Variants in ADAM22 observed in about 807,000 individuals in gnomAD.
ADAM22 encodes disintegrin and metalloproteinase domain-containing protein 22.
A neutral mutation model predicts 144.6 loss-of-function variants in ADAM22; 65 were observed. The ratio of observed to expected loss-of-function variants is 0.45; its 90% CI spans 0.37 to 0.55. The LOEUF is 0.55. ADAM22 is among the 20% of genes least tolerant of loss of function. The pLI is 0.00. For synonymous variants in ADAM22, 391 were observed against 412.6 expected (o/e 0.95, Z 0.63); for missense variants, 974 against 1,184.9 (o/e 0.82, Z 2.61).
At chr7:88,163,249 T>C in intron 23 of ADAM22, 69 bp downstream of exon 23, 1 of 1,282,522 alleles carries the variant, frequency 7.8e-7, no homozygotes, top group Non-Finnish European at 1.0e-6. Flanking sequence ...CCCTAAACTA[T>C]TTATTTTTCT....
At chr7:88,028,280 G>A (rs1799476339) in intron 3 of ADAM22, among the ~76,000 whole-genome samples, 1 of 152,086 alleles carries the variant, frequency 6.6e-6, no homozygotes, top group South Asian at 2.1e-4. Context: ...CCATGTGTTT[G>A]TATAGTTTCC....
In ADAM22 at chr7:88,184,948, T is replaced by C. The variant is rs957825278; in HGVS notation, c.2664-1667T>C. Among the ~76,000 whole-genome samples the C allele has an allele frequency of 2.6e-5, 4 of 152,318 alleles. No homozygotes were observed. In the South Asian group the frequency reaches 8.3e-4, roughly 32 times the overall value. On this transcript the variant is annotated intron_variant, in intron 29 of 31. Coordinates refer to ENST00000413139, the MANE Select transcript of ADAM22 (RefSeq NM_001324418.2). ...ATTGTCAGTGAAAGGAACAAATGTC[T>C]CCTCCCGGAAGTGGCCGTCTGCCTG...
At chr7:88,064,761 C>CA (rs1275342204) in intron 3 of ADAM22, among the ~76,000 whole-genome samples, 1 of 152,142 alleles carries the variant, frequency 6.6e-6, no homozygotes, top group Non-Finnish European at 1.5e-5. Context: ...AATAACCTCC[C>CA]AAAGGCCTCA....
At chr7:87,946,334 C>G (rs1843672400) in intron 2 of ADAM22, among the ~76,000 whole-genome samples, 1 of 152,124 alleles carries the variant, frequency 6.6e-6, no homozygotes, top group African/African-American at 2.4e-5. Flanking sequence ...TATCTGTTTA[C>G]TCTGTTGATA....
intron 4 of ADAM22, among the ~76,000 whole-genome samples, chr7:88,107,862 A>G (rs1824856680): frequency 6.6e-6 from 1 of 152,044 alleles, no homozygotes. Context: ...AAGCATTGAA[A>G]TTGTAGACAT....
intron 3 of ADAM22, among the ~76,000 whole-genome samples, chr7:87,995,006 A>G (rs988065064): frequency 1.1e-4 from 17 of 151,662 alleles, no homozygotes; most frequent in African/African-American, 4.1e-4. Flanking sequence ...TTTTTTTTGT[A>G]TTTTTAGTAG....
chr7:87,973,251 A>T (rs1329301917), intron 2 of ADAM22, among the ~76,000 whole-genome samples: 2 of 152,214 alleles, frequency 1.3e-5, no homozygotes. Flanking sequence ...ACAAGAAAAA[A>T]ACAAACCCAT....
intron 2 of ADAM22, among the ~76,000 whole-genome samples, chr7:87,949,798 A>G (rs1844599850): frequency 6.6e-6 from 1 of 150,654 alleles, no homozygotes; most frequent in Admixed American, 6.6e-5. Flanking sequence ...AATCTAAAAT[A>G]TTCATATTAT....
At chr7:88,065,462 G>A (rs1810992842) in intron 3 of ADAM22, among the ~76,000 whole-genome samples, 1 of 151,934 alleles carries the variant, frequency 6.6e-6, no homozygotes, top group Non-Finnish European at 1.5e-5. Context: ...TATAATACAT[G>A]TTTATTATAG....
rs542740989 is a variant in ADAM22 at position 87,944,111 on chromosome 7, C to G, written c.246+8925C>G. Among the ~76,000 whole-genome samples, 14 of 151,888 alleles carry G rather than the reference C, an allele frequency of 9.2e-5. No homozygotes were observed. In the South Asian group the frequency reaches 2.9e-3, roughly 32 times the overall value. On this transcript the variant is annotated intron_variant, in intron 2 of 31. Coordinates refer to ENST00000413139, the MANE Select transcript of ADAM22 (RefSeq NM_001324418.2). ...TGCCCCATGTCTCTAGCTTTTACCTCTAGTTGGTCAATTTCTATTCTGCTT... is the reference window on the plus strand; with the variant it reads ...TGCCCCATGTCTCTAGCTTTTACCTGTAGTTGGTCAATTTCTATTCTGCTT...
chr7:88,044,694 C>CTGGGT (rs1804087079), intron 3 of ADAM22, among the ~76,000 whole-genome samples: 2 of 151,258 alleles, frequency 1.3e-5, no homozygotes, highest in Non-Finnish European at 2.9e-5. Flanking sequence ...GATCCACCCG[C>CTGGGT]CTCGGTCTCC....
chr7:88,026,695 C>A (rs1157596173), intron 3 of ADAM22, among the ~76,000 whole-genome samples: 1 of 152,180 alleles, frequency 6.6e-6, no homozygotes, highest in Non-Finnish European at 1.5e-5. Context: ...TTCTCCCTTT[C>A]CAATTTGGTT....
rs925185567 is a variant in ADAM22, at chr7:88,116,784, T to C, written c.577T>C (p.Phe193Leu). Residue 193 changes from phenylalanine (F) to leucine (L), a missense_variant, in exon 7 of 32, where the codon TTT becomes CTT. Physicochemically the swap from Phe to Leu is conservative, Grantham distance 22 (BLOSUM62 0). Coordinates refer to ENST00000413139, the MANE Select transcript of ADAM22 (RefSeq NM_001324418.2). ...TCATTCAGTTTACAAATCCAGACTGTTTGAATTTTCCTTGGATGATCTTCC... is the reference window on the plus strand; with the variant it reads ...TCATTCAGTTTACAAATCCAGACTGCTTGAATTTTCCTTGGATGATCTTCC... ...HFHSVYKSRL[F>L]EFSLDDLPSE... is the part of the protein sequence containing the mutation. 4 of 1,613,662 alleles carry C rather than the reference T, an allele frequency of 2.5e-6. No homozygotes were observed. Among genetic ancestry groups the C allele is most frequent in the African/African-American group, 2.7e-5 (2 of 75,052 alleles).
chr7:88,104,862 C>G (rs1823930945), intron 4 of ADAM22, among the ~76,000 whole-genome samples: 1 of 151,838 alleles, frequency 6.6e-6, no homozygotes. Context: ...AATAATGATT[C>G]AACCATATTG....
chr7:88,007,871 A>G (rs1794340861), intron 3 of ADAM22, among the ~76,000 whole-genome samples: 1 of 152,232 alleles, frequency 6.6e-6, no homozygotes, highest in Admixed American at 6.5e-5. Context: ...ACCAGAAGCA[A>G]TGGCAACAAA....
intron 2 of ADAM22, among the ~76,000 whole-genome samples, chr7:87,954,566 G>C (rs1231504969): frequency 6.6e-6 from 1 of 152,094 alleles, no homozygotes; most frequent in Non-Finnish European, 1.5e-5. Flanking sequence ...CTCTTTTGCT[G>C]CCCTTAACAT....
chr7:87,998,130 A>G (rs915224262), intron 3 of ADAM22, among the ~76,000 whole-genome samples: 2 of 152,198 alleles, frequency 1.3e-5, no homozygotes, highest in Non-Finnish European at 2.9e-5. Context: ...AGACTTAGCC[A>G]GTCTAGTCCT....
intron 3 of ADAM22, among the ~76,000 whole-genome samples, chr7:87,990,408 G>A (rs948777471): frequency 6.6e-6 from 1 of 152,088 alleles, no homozygotes; most frequent in Non-Finnish European, 1.5e-5. Context: ...AAATATTGAA[G>A]TCTAACATAC....
chr7:87,955,300 A>G lies in ADAM22; in HGVS notation c.246+20114A>G, dbSNP rs551677018. Among the ~76,000 whole-genome samples the G allele has an allele frequency of 3.3e-5, 5 of 152,274 alleles. No individual in the cohort carries two copies. In the East Asian group the frequency reaches 9.7e-4, roughly 29 times the overall value. ...TTGGTCTTTGATGATGGTGATGTACAGATGGGTTTTTGGTGTGGATGTTCT... is the reference window on the plus strand; with the variant it reads ...TTGGTCTTTGATGATGGTGATGTACGGATGGGTTTTTGGTGTGGATGTTCT... On this transcript the variant is annotated intron_variant, in intron 2 of 31. Coordinates refer to ENST00000413139, the MANE Select transcript of ADAM22 (RefSeq NM_001324418.2).
Sources: allele counts gnomAD v4.1 joint callset (sites outside exome capture counted in the v4.1 genomes callset), GRCh38; gene constraint gnomAD v4.1.1; transcripts MANE v1.5; gene names NCBI Gene and HGNC (gene_info 2026-07-23, HGNC 2026-07-21).